The following FAM13A variants were observed in gnomAD, a reference collection of about 807,000 sequenced individuals.
FAM13A encodes the protein protein FAM13A.
In FAM13A, 76 loss-of-function variants were observed where a neutral mutation model predicts 129.6. The observed-to-expected ratio is 0.59, with a 90% confidence interval of 0.49 to 0.71. FAM13A has a LOEUF of 0.71. FAM13A is among the 30% of genes least tolerant of loss of function. FAM13A has a pLI of 0.00. For synonymous variants in FAM13A, 443 were observed against 449.9 expected (o/e 0.98, Z 0.20); for missense variants, 1,108 against 1,249.3 (o/e 0.89, Z 1.70).
At chr4:88,789,053 C>A (rs538053731) in intron 9 of FAM13A, among the ~76,000 whole-genome samples, 1 of 152,130 alleles carries the variant, frequency 6.6e-6, no homozygotes, top group African/African-American at 2.4e-5. Flanking sequence ...TTAATATGCA[C>A]ATAAGAGATG....
intron 3 of FAM13A, among the ~76,000 whole-genome samples, chr4:89,007,564 T>C (rs888448082): frequency 1.3e-5 from 2 of 152,174 alleles, no homozygotes; most frequent in African/African-American, 2.4e-5. Flanking sequence ...TAAACCACAC[T>C]TGAATTCTCG....
At chr4:88,799,019 A>C (rs1202035494) in intron 8 of FAM13A, among the ~76,000 whole-genome samples, 3 of 152,242 alleles carry the variant, frequency 2.0e-5, no homozygotes, top group African/African-American at 7.2e-5. Flanking sequence ...ATAGCTCTAA[A>C]CATATGCTTA....
chr4:88,824,931 C>T (rs1288502652), intron 7 of FAM13A, among the ~76,000 whole-genome samples: 1 of 152,138 alleles, frequency 6.6e-6, no homozygotes, highest in Non-Finnish European at 1.5e-5. Context: ...TGGTCTCGAA[C>T]TCCTGACCTC....
chr4:88,762,154 A>C (rs778311877), intron 13 of FAM13A, among the ~76,000 whole-genome samples: 4 of 152,176 alleles, frequency 2.6e-5, no homozygotes, highest in Non-Finnish European at 5.9e-5. Flanking sequence ...AAAGGCCCTG[A>C]GGCATGGTCA....
intron 5 of FAM13A, among the ~76,000 whole-genome samples, chr4:88,908,751 C>T (rs1291373027): frequency 6.6e-6 from 1 of 152,154 alleles, no homozygotes; most frequent in East Asian, 1.9e-4. Context: ...AGAGATCTAG[C>T]TCAAGGAAGA....
chr4:88,847,733 G>A (rs371814369), intron 7 of FAM13A, among the ~76,000 whole-genome samples: 3 of 152,118 alleles, frequency 2.0e-5, no homozygotes, highest in Non-Finnish European at 2.9e-5. Context: ...AGGAGATTGC[G>A]ACCATCCTGG....
At chr4:88,843,882 C>A in intron 7 of FAM13A, among the ~76,000 whole-genome samples, 2 of 152,280 alleles carry the variant, frequency 1.3e-5, no homozygotes, top group Middle Eastern at 6.8e-3. Context: ...TGAGAGCGCA[C>A]GGCTGTCCTG....
chr4:89,001,965 A>G (rs1334539667), intron 3 of FAM13A, among the ~76,000 whole-genome samples: 1 of 152,150 alleles, frequency 6.6e-6, no homozygotes, highest in Non-Finnish European at 1.5e-5. Context: ...TAAAATTCAC[A>G]GGCACTTAAC....
chr4:88,794,875 CT>C (rs1173187785), intron 8 of FAM13A, among the ~76,000 whole-genome samples: 1 of 151,718 alleles, frequency 6.6e-6, no homozygotes, highest in Non-Finnish European at 1.5e-5. Context: ...TTAGTATCAT[CT>C]TAAAATACGA....
intron 11 of FAM13A, among the ~76,000 whole-genome samples, chr4:88,777,092 A>C (rs1447152723): frequency 6.6e-6 from 1 of 151,490 alleles, no homozygotes; most frequent in Non-Finnish European, 1.5e-5. Flanking sequence ...TCAAAGTATT[A>C]AACTCTGCCC....
chr4:89,020,755 T>G, intron 2 of FAM13A, 86 bp from the exon 3 acceptor site: 1 of 852,468 alleles, frequency 1.2e-6, no homozygotes, highest in Non-Finnish European at 1.9e-6. Flanking sequence ...AAGAAAGAAA[T>G]CTCAGCATAT....
In FAM13A at chr4:88,889,055, G is replaced by C. The variant is rs112142946; in HGVS notation, c.843+17324C>G. On this transcript the variant is annotated intron_variant, in intron 6 of 23. Transcript: ENST00000264344. ...CTCCCAGGGGAATAATGACAAGGAGGGGAATCGCAGGGGTGAAGGCAGCAG... is the reference window on the plus strand; with the variant it reads ...CTCCCAGGGGAATAATGACAAGGAGCGGAATCGCAGGGGTGAAGGCAGCAG... 8.0e-3 allele frequency among the ~76,000 whole-genome samples: 1,225 copies of C among 152,302 alleles called. 19 individuals carry two copies. The highest frequency in any genetic ancestry group is 0.028 in the African/African-American group (1,159 of 41,556).
chr4:88,893,642 G>GAATGAATAAATAAATA (rs1352073900), intron 6 of FAM13A, among the ~76,000 whole-genome samples: 128 of 126,228 alleles, frequency 1.0e-3, no homozygotes, highest in African/African-American at 3.5e-3. Context: ...ATGAATGAAT[G>GAATGAATAAATAAATA]AATAAATAAA....
chr4:88,790,504 C>CG, intron 9 of FAM13A, 82 bp downstream of exon 9: 3 of 1,151,692 alleles, frequency 2.6e-6, no homozygotes. Context: ...ATTAGAGTTG[C>CG]TTTTTTTTTC....
rs200801160 is a variant in FAM13A, at chr4:88,972,117, TA to T, written c.605+18855del. ...ACTGTTATCCATTAGATAAGAAAAA[TA>T]TTTTTTTTTACCCTAACTCATTCCT... On this transcript the variant is annotated intron_variant, in intron 4 of 23. Coordinates refer to ENST00000264344, the MANE Select transcript of FAM13A (RefSeq NM_014883.4). Among the ~76,000 whole-genome samples, 1,452 of 152,026 alleles carry T rather than the reference TA, an allele frequency of 9.6e-3. 24 individuals are homozygous for T. The highest frequency in any genetic ancestry group is 0.033 in the African/African-American group (1,367 of 41,462).
chr4:88,735,479 T>G (rs905763465), intron 21 of FAM13A, among the ~76,000 whole-genome samples: 10 of 152,154 alleles, frequency 6.6e-5, no homozygotes, highest in African/African-American at 2.4e-4. Flanking sequence ...CAGAGAAGTT[T>G]TAGAGGGGAT....
intron 7 of FAM13A, among the ~76,000 whole-genome samples, chr4:88,809,868 CT>C (rs201439229): frequency 7.7e-4 from 105 of 137,064 alleles, no homozygotes; most frequent in Admixed American, 8.7e-4. Flanking sequence ...TCCCGGTGGG[CT>C]TTTTTTTTTT....
chr4:88,805,730 A>G (rs541737684), intron 7 of FAM13A, among the ~76,000 whole-genome samples: 2 of 152,092 alleles, frequency 1.3e-5, no homozygotes, highest in Admixed American at 6.5e-5. Context: ...GTGCACTGGT[A>G]CAATCATGGT....
At chr4:88,996,606 TA>T (rs1456007121) in intron 3 of FAM13A, among the ~76,000 whole-genome samples, 1 of 152,204 alleles carries the variant, frequency 6.6e-6, no homozygotes, top group Non-Finnish European at 1.5e-5. Context: ...GCCTACCATC[TA>T]GCAGGTGAGA....
Sources: gnomAD v4.1 joint callset for allele counts (sites outside exome capture counted in the v4.1 genomes callset) on GRCh38, gnomAD v4.1.1 for gene constraint, MANE v1.5 for transcripts, NCBI Gene and HGNC (gene_info 2026-07-23, HGNC 2026-07-21) for gene names.